The following SMARCC1 variants were observed in gnomAD, a reference collection of about 807,000 sequenced individuals.
SMARCC1 encodes the protein SWI/SNF complex subunit SMARCC1.
Under a neutral mutation model 147.4 loss-of-function variants are expected in SMARCC1, and 43 were observed. The observed-to-expected ratio is 0.29, with a 90% confidence interval of 0.23 to 0.38. The LOEUF is 0.38. SMARCC1 is among the 10% of genes least tolerant of loss of function. The probability of loss-of-function intolerance (pLI) is 1.00; values close to 1 mark genes in which losing one functional copy is unlikely to be tolerated. For synonymous variants in SMARCC1, 495 were observed against 484.4 expected (o/e 1.02, Z -0.29); for missense variants, 1,119 against 1,381.1 (o/e 0.81, Z 3.01).
At chr3:47,685,644 G>A (rs1484212747) in intron 14 of SMARCC1, among the ~76,000 whole-genome samples, 1 of 151,136 alleles carries the variant, frequency 6.6e-6, no homozygotes, top group Non-Finnish European at 1.5e-5. Flanking sequence ...TGGATCACGA[G>A]GTCAGGAGTT....
At chr3:47,636,238 G>T in intron 22 of SMARCC1, 102 bp from the exon 23 acceptor site, 1 of 649,088 alleles carries the variant, frequency 1.5e-6, no homozygotes, top group Non-Finnish European at 2.7e-6. Context: ...AATATTTTTG[G>T]CAAGAAATAG....
intron 2 of SMARCC1, among the ~76,000 whole-genome samples, chr3:47,754,527 TACAGATGAGAA>T (rs1384317158): frequency 6.6e-6 from 1 of 152,136 alleles, no homozygotes; most frequent in African/African-American, 2.4e-5. Context: ...ACACCCATTT[TACAGATGAGAA>T]AAGTGTTGCT....
chr3:47,616,510 A>G (rs2032648127), intron 25 of SMARCC1, among the ~76,000 whole-genome samples: 1 of 151,900 alleles, frequency 6.6e-6, no homozygotes, highest in Non-Finnish European at 1.5e-5. Context: ...CAATGGCATG[A>G]TCTCTGCACG....
At chr3:47,613,144 A>G (rs2032586282) in intron 25 of SMARCC1, among the ~76,000 whole-genome samples, 1 of 152,236 alleles carries the variant, frequency 6.6e-6, no homozygotes, top group African/African-American at 2.4e-5. Flanking sequence ...AATCTGTCCT[A>G]GAATACTGTA....
At chr3:47,668,116 ATC>A (rs2033446820) in intron 19 of SMARCC1, among the ~76,000 whole-genome samples, 2 of 152,134 alleles carry the variant, frequency 1.3e-5, no homozygotes, top group Non-Finnish European at 2.9e-5. Flanking sequence ...TGGCTCCATT[ATC>A]TCTCTTTCAT....
At chr3:47,776,430 C>T (rs1158127196) in intron 1 of SMARCC1, among the ~76,000 whole-genome samples, 1 of 152,088 alleles carries the variant, frequency 6.6e-6, no homozygotes, top group African/African-American at 2.4e-5. Flanking sequence ...GGCCAAACTC[C>T]ATCTCTACTA....
chr3:47,631,981 CA>C (rs1294714224), intron 24 of SMARCC1, among the ~76,000 whole-genome samples: 1 of 152,134 alleles, frequency 6.6e-6, no homozygotes, highest in Non-Finnish European at 1.5e-5. Flanking sequence ...TGTACACTTT[CA>C]TAACTCAGAG....
chr3:47,631,826 T>A (rs764700597), intron 24 of SMARCC1, among the ~76,000 whole-genome samples: 9 of 152,210 alleles, frequency 5.9e-5, no homozygotes, highest in Non-Finnish European at 1.2e-4. Flanking sequence ...AGTTATATAT[T>A]AATTATAGTA....
chr3:47,610,450 A>C, intron 25 of SMARCC1, 123 bp from the exon 26 acceptor site: 6 of 943,448 alleles, frequency 6.4e-6, no homozygotes, highest in Non-Finnish European at 1.0e-5. Flanking sequence ...TCACCACCTC[A>C]CTTCCTGCAC....
At chr3:47,776,707 T>C (rs184232449) in intron 1 of SMARCC1, among the ~76,000 whole-genome samples, 1 of 152,004 alleles carries the variant, frequency 6.6e-6, no homozygotes, top group Non-Finnish European at 1.5e-5. Flanking sequence ...TGGAACCAAA[T>C]CAACATTTCA....
At chr3:47,601,698 C>CTTTTTTT in intron 26 of SMARCC1, 1 of 138,310 alleles carries the variant, frequency 7.2e-6, no homozygotes, top group Non-Finnish European at 1.6e-5. Context: ...CTTTTTTTTT[C>CTTTTTTT]TTTTTTTTTT....
chr3:47,608,885 G>C (rs1276598103), intron 26 of SMARCC1, among the ~76,000 whole-genome samples: 1 of 140,438 alleles, frequency 7.1e-6, no homozygotes, highest in Non-Finnish European at 1.5e-5. Context: ...GTGTGAATTT[G>C]AACCTGAGCA....
intron 14 of SMARCC1, among the ~76,000 whole-genome samples, chr3:47,680,709 G>T (rs576649078): frequency 3.8e-4 from 57 of 151,410 alleles, no homozygotes; most frequent in African/African-American, 1.4e-3. Context: ...CACTACGCCC[G>T]GCTAATTTTT....
At chr3:47,676,571 T>A in intron 17 of SMARCC1, 58 bp downstream of exon 17, 9 of 1,225,218 alleles carry the variant, frequency 7.3e-6, no homozygotes, top group Non-Finnish European at 1.1e-5. Context: ...TAAATAGATA[T>A]GCTATAAATG....
At chr3:47,739,441 C>T (rs1279748373) in intron 3 of SMARCC1, among the ~76,000 whole-genome samples, 1 of 152,172 alleles carries the variant, frequency 6.6e-6, no homozygotes, top group African/African-American at 2.4e-5. Flanking sequence ...CCACCTCAAC[C>T]TCAGCCTTGA....
intron 7 of SMARCC1, among the ~76,000 whole-genome samples, chr3:47,717,987 T>A (rs945236277): frequency 2.0e-5 from 3 of 151,526 alleles, no homozygotes; most frequent in East Asian, 1.9e-4. Flanking sequence ...GCACCCCCCC[T>A]GCCCCCGCCA....
At chr3:47,593,462 G>A (rs911638453) in intron 26 of SMARCC1, among the ~76,000 whole-genome samples, 7 of 152,088 alleles carry the variant, frequency 4.6e-5, no homozygotes, top group South Asian at 4.1e-4. Context: ...GTGAGCCACC[G>A]CGCCTGGCCT....
intron 13 of SMARCC1, among the ~76,000 whole-genome samples, chr3:47,686,455 A>G (rs2033724911): frequency 1.3e-5 from 2 of 152,192 alleles, no homozygotes; most frequent in African/African-American, 4.8e-5. Flanking sequence ...AGTCTGTTTC[A>G]ATGCACAGGA....
chr3:47,726,848 CAT>C (rs774856559), intron 6 of SMARCC1, among the ~76,000 whole-genome samples: 4 of 152,104 alleles, frequency 2.6e-5, no homozygotes, highest in Non-Finnish European at 4.4e-5. Context: ...AAATTGGAAT[CAT>C]ATGGTATTTC....
Sources: allele counts gnomAD v4.1 joint callset (sites outside exome capture counted in the v4.1 genomes callset), GRCh38; gene constraint gnomAD v4.1.1; transcripts MANE v1.5; gene names NCBI Gene and HGNC (gene_info 2026-07-23, HGNC 2026-07-21).